The following NSD3 variants were observed in gnomAD, a reference collection of about 807,000 sequenced individuals.
NSD3 encodes nuclear receptor binding SET domain protein 3.
In NSD3, 24 loss-of-function variants were observed where a neutral mutation model predicts 160.8. That is an observed-to-expected ratio of 0.15 (90% confidence interval 0.11 to 0.21). NSD3 has a LOEUF of 0.21. NSD3 is among the 10% of genes least tolerant of loss of function. NSD3 has a pLI of 1.00. For missense variants in NSD3, 1,157 were observed against 1,735.9 expected (o/e 0.67, Z 5.93); for synonymous variants, 520 against 600.0 (o/e 0.87, Z 1.95).
In NSD3 at chr8:38,299,577, C is replaced by G; in HGVS notation, c.2625G>C (p.Gln875His). The G allele has an allele frequency of 1.2e-6, 2 of 1,603,618 alleles. No homozygotes were observed. Among genetic ancestry groups the G allele is most frequent in the Non-Finnish European group, 8.5e-7 (1 of 1,176,000 alleles). Residue 875 changes from glutamine to histidine, a missense_variant, in exon 15 of 24, where the codon CAG (glutamine) becomes CAC (histidine). Gln to His is a conservative substitution (Grantham distance 24). Coordinates refer to ENST00000317025, the MANE Select transcript of NSD3 (RefSeq NM_023034.2). ...CFVCARGLIVQDHSDPMFSSY... is the reference protein window; with the variant it reads ...CFVCARGLIVHDHSDPMFSSY... ...AACTGAACATGGGGTCTGAATGGTC[C>G]TGAACTATCAGCCCTATACGAAACA... is the stretch of plus-strand genomic sequence containing the variant.
chr8:38,348,049 A>G lies in NSD3; in HGVS notation c.123T>C (p.Ala41=), dbSNP rs1450812261. The G allele has an allele frequency of 1.2e-6, 2 of 1,614,220 alleles. No individual in the cohort carries two copies. The highest frequency in any genetic ancestry group is 1.1e-5 in the South Asian group (1 of 91,084). ...EDAFDNNSDI[A]EDGGQTPYEA... The stretch of plus-strand genomic sequence containing the variant: ...CATATGGTGTCTGGCCACCATCTTC[A>G]GCAATGTCACTGTTGTTATCAAAGG... The change falls in exon 2 of 24, where the codon GCT becomes GCC. Residue 41 remains alanine (A), a synonymous_variant. Coordinates refer to ENST00000317025, the MANE Select transcript of NSD3 (RefSeq NM_023034.2).
intron 4 of NSD3, among the ~76,000 whole-genome samples, chr8:38,333,828 C>T (rs182087232): frequency 1.3e-5 from 2 of 152,120 alleles, no homozygotes; most frequent in East Asian, 1.9e-4. Flanking sequence ...GATTGCGCCA[C>T]TGCAGTCCGC....
At chr8:38,376,694 C>G (rs1199753263) in intron 1 of NSD3, among the ~76,000 whole-genome samples, 3 of 152,162 alleles carry the variant, frequency 2.0e-5, no homozygotes, top group East Asian at 3.9e-4. Context: ...GCCTTGGCCC[C>G]GCAAAGTGCT....
At chr8:38,290,248 T>G (rs184904856) in intron 17 of NSD3, among the ~76,000 whole-genome samples, 40 of 152,126 alleles carry the variant, frequency 2.6e-4, no homozygotes, top group African/African-American at 9.4e-4. Context: ...GAATAATCTG[T>G]GTTTATAGAA....
intron 19 of NSD3, among the ~76,000 whole-genome samples, chr8:38,282,546 C>T (rs1156832668): frequency 2.0e-5 from 3 of 152,192 alleles, no homozygotes; most frequent in Non-Finnish European, 4.4e-5. Flanking sequence ...TGGCACATGC[C>T]TGTAATCCCA....
In NSD3 at chr8:38,372,692, C is replaced by T. The variant is rs1159437519; in HGVS notation, c.-45+9107G>A. ...TTGTAGTTTTAGTAGAGACGGGTTT[C>T]GCCATGTTGGCCAGGCTGGTCTCCA... On this transcript the variant is annotated intron_variant, in intron 1 of 23. Transcript: ENST00000317025. 5.3e-5 allele frequency among the ~76,000 whole-genome samples: 8 copies of T among 150,318 alleles called. No homozygotes were observed. In the East Asian group the frequency reaches 1.6e-3, roughly 30 times the overall value.
chr8:38,356,935 A>G (rs1810838151), intron 1 of NSD3, among the ~76,000 whole-genome samples: 1 of 151,702 alleles, frequency 6.6e-6, no homozygotes. Context: ...CCTGGCTAAT[A>G]TGGCGAAACC....
At chr8:38,349,697 T>TATA (rs1585912859) in intron 1 of NSD3, among the ~76,000 whole-genome samples, 9 of 89,876 alleles carry the variant, frequency 1.0e-4, no homozygotes, top group Non-Finnish European at 1.7e-4. Context: ...ATATATGTAT[T>TATA]TATTATACTT....
In NSD3 at chr8:38,329,158, T is replaced by C. The variant is rs569358052; in HGVS notation, c.1581+220A>G. The stretch of plus-strand genomic sequence containing the variant: ...TTTTGGCTGCACAGCTCAAGACTAA[T>C]CTACTACAGATGGGAAAATCACAAA... On this transcript the variant is annotated intron_variant, in intron 6 of 23. Transcript: ENST00000317025. The surrounding 1 kb of genome is among the most constrained non-coding windows in gnomAD (Gnocchi z 4.8). 1.3e-5 allele frequency among the ~76,000 whole-genome samples: 2 copies of C among 152,258 alleles called. No individual in the cohort carries two copies. The highest frequency in any genetic ancestry group is 4.2e-4 in the South Asian group (2 of 4,818).
At position 38,348,211 on chromosome 8, in the gene NSD3, C is replaced by T. The variant is rs747642785; in HGVS notation, c.-40G>A. ...ATCCTTAACTTTCCCTTTCTCTCAT[C>T]GGGCCTAAAATTATAAAAGAGGGGA... is the stretch of plus-strand genomic sequence containing the variant. On this transcript the variant is annotated 5_prime_UTR_variant, in exon 2 of 24. Transcript: ENST00000317025. The T allele has an allele frequency of 5.9e-6, 9 of 1,523,490 alleles. No individual in the cohort carries two copies. The highest frequency in any genetic ancestry group is 5.6e-5 in the African/African-American group (4 of 72,024). The allele number at this position is 1,523,490 out of a possible 1,614,324, so 94.4% of individuals were successfully genotyped here.
Position 38,311,093 on chromosome 8 carries a change from T to TA in NSD3, c.2242+3553dup, listed in dbSNP as rs397739306. On this transcript the variant is annotated intron_variant, in intron 12 of 23. Coordinates refer to ENST00000317025, the MANE Select transcript of NSD3 (RefSeq NM_023034.2). ...CCTGATTACTTTTTTTTTTTTTTTTTAATAGAGACAGGGTTTCACCATATT... is the reference window on the plus strand; with the variant it reads ...CCTGATTACTTTTTTTTTTTTTTTTTAAATAGAGACAGGGTTTCACCATATT... 9.1e-4 allele frequency among the ~76,000 whole-genome samples: 137 copies of TA among 150,786 alleles called. 1 individual carries two copies. Among genetic ancestry groups the TA allele is most frequent in the Admixed American group, 3.7e-3 (56 of 15,142 alleles).
At chr8:38,374,591 A>G (rs910874385) in intron 1 of NSD3, among the ~76,000 whole-genome samples, 3 of 152,098 alleles carry the variant, frequency 2.0e-5, no homozygotes, top group Non-Finnish European at 4.4e-5. Flanking sequence ...ACCCTGTCTC[A>G]CAAAAAAAGA....
chr8:38,317,862 G>T lies in NSD3; in HGVS notation c.1855+1033C>A, dbSNP rs573128744. The T allele has an allele frequency of 6.4e-7, 1 of 1,560,114 alleles. No individual in the cohort carries two copies. Among genetic ancestry groups the T allele is most frequent in the Admixed American group, 1.9e-5 (1 of 51,414 alleles). On this transcript the variant is annotated intron_variant, in intron 9 of 23. Coordinates refer to ENST00000317025, the MANE Select transcript of NSD3 (RefSeq NM_023034.2). This position sits in a 1 kb window ranked among gnomAD's most constrained non-coding sequence, Gnocchi z 5.3. Reference sequence around the variant, plus strand: ...AATGATGATTGGCGAAATCAAAATCGAAAACAAAGAAACTGTTTATCAAGC... The same window carrying T: ...AATGATGATTGGCGAAATCAAAATCTAAAACAAAGAAACTGTTTATCAAGC...
intron 1 of NSD3, among the ~76,000 whole-genome samples, chr8:38,359,415 C>T (rs1162789386): frequency 6.6e-6 from 1 of 152,138 alleles, no homozygotes; most frequent in Non-Finnish European, 1.5e-5. Context: ...AATCAATATT[C>T]TTCCTTTGAA....
chr8:38,331,662 C>A (rs1235488721), intron 4 of NSD3, 77 bp from the exon 5 acceptor site: 2 of 1,492,594 alleles, frequency 1.3e-6, no homozygotes, highest in African/African-American at 2.8e-5. Flanking sequence ...GGAATCTAAC[C>A]CAGGTTCCTC....
intron 1 of NSD3, among the ~76,000 whole-genome samples, chr8:38,379,140 G>A (rs1032171036): frequency 2.6e-5 from 4 of 151,862 alleles, no homozygotes; most frequent in African/African-American, 4.8e-5. Flanking sequence ...GGTAACAGGT[G>A]GGCTGATGGA....
At chr8:38,368,418 T>C (rs1358357806) in intron 1 of NSD3, among the ~76,000 whole-genome samples, 1 of 152,224 alleles carries the variant, frequency 6.6e-6, no homozygotes. Flanking sequence ...CATTAAAATA[T>C]CCTGAATTAG....
Position 38,316,142 on chromosome 8 carries a change from T to C in NSD3, c.1856-100A>G. 1 of 1,484,094 alleles carries C rather than the reference T, an allele frequency of 6.7e-7. No homozygotes were observed. Among genetic ancestry groups the C allele is most frequent in the Middle Eastern group, 2.5e-4 (1 of 3,994 alleles). The allele number at this position is 1,484,094 out of a possible 1,614,324, so 91.9% of individuals were successfully genotyped here. ...TATTTTCTTTTCTCAAACTCATCTT[T>C]AGTGTGGAAAAAGCATAGCTCTCTT... On this transcript the variant is annotated intron_variant, in intron 9 of 23. Transcript: ENST00000317025. This position sits in a 1 kb window ranked among gnomAD's most constrained non-coding sequence, Gnocchi z 4.5.
intron 1 of NSD3, among the ~76,000 whole-genome samples, chr8:38,356,871 C>G (rs1039123315): frequency 2.0e-5 from 3 of 151,766 alleles, no homozygotes; most frequent in Non-Finnish European, 4.4e-5. Flanking sequence ...GTAATCCCAG[C>G]ACTTTGGGAG....
Sources: gnomAD v4.1 joint callset for allele counts (sites outside exome capture counted in the v4.1 genomes callset) on GRCh38, gnomAD v4.1.1 for gene constraint, Gnocchi (gnomAD v3.1) non-coding constraint, MANE v1.5 for transcripts, NCBI Gene and HGNC (gene_info 2026-07-23, HGNC 2026-07-21) for gene names.